HEATR1: variants seen among roughly 807,000 people sequenced by gnomAD.
HEATR1 encodes HEAT repeat containing 1, also known as HEAT repeat-containing protein 1.
HEATR1 carries 77 observed loss-of-function variants against 248.2 expected under a neutral mutation model. The observed-to-expected ratio is 0.31, with a 90% CI of 0.26 to 0.37. The LOEUF (loss-of-function observed/expected upper bound fraction) is 0.37, where lower values mean the gene tolerates loss of function less well. HEATR1 is among the 10% of genes least tolerant of loss of function. The pLI, the probability that HEATR1 is intolerant of heterozygous loss-of-function variation, is 1.00. For missense variants in HEATR1, 2,420 were observed against 2,504.9 expected, an observed-to-expected ratio of 0.97 and a Z score of 0.72; for synonymous variants, 897 against 923.1, an observed-to-expected ratio of 0.97 and a Z score of 0.51.
rs766177708 is a variant in HEATR1, at chr1:236,566,790, T to C, written c.4164A>G (p.Pro1388=). The C allele has an allele frequency of 1.2e-6, 2 of 1,614,146 alleles. No individual in the cohort carries two copies. Among genetic ancestry groups the C allele is most frequent in the African/African-American group, 1.3e-5 (1 of 75,054 alleles). ...KIISVFVDAL[P]HVPEHRRLPI... is the part of the protein sequence containing the mutation. ...GCAGGCGCCTGTGCTCCGGGACGTGTGGCAGCGCATCCACAAATACACTAA... is the reference window on the plus strand; with the variant it reads ...GCAGGCGCCTGTGCTCCGGGACGTGCGGCAGCGCATCCACAAATACACTAA... The change falls in exon 30 of 45, where the codon CCA becomes CCG. Residue 1388 remains proline, a synonymous_variant. Coordinates refer to ENST00000366582, the MANE Select transcript of HEATR1 (RefSeq NM_018072.6).
Position 236,604,126 on chromosome 1 carries a change from G to T in HEATR1, c.-31C>A, listed in dbSNP as rs368911119. 2.8e-5 allele frequency: 43 copies of T among 1,537,824 alleles called. No homozygotes were observed. Among genetic ancestry groups the T allele is most frequent in the Non-Finnish European group, 3.6e-5 (41 of 1,150,652 alleles). On this transcript the variant is annotated splice_region_variant and 5_prime_UTR_variant, in exon 2 of 45. Transcript: ENST00000366582. ...ACGCCAGCGGAGTTTTAATGACACG[G>T]GCTAAAAAAACGTAAGCACTTTGAT...
chr1:236,586,054 T>C, intron 15 of HEATR1, 113 bp from the exon 16 acceptor site: 4 of 1,381,346 alleles, frequency 2.9e-6, no homozygotes, highest in Non-Finnish European at 4.0e-6. Flanking sequence ...CTTTCTATTT[T>C]TCCTTGTATC....
At chr1:236,557,865 G>A (rs766180284) in intron 36 of HEATR1, among the ~76,000 whole-genome samples, 12 of 152,216 alleles carry the variant, frequency 7.9e-5, no homozygotes, top group Non-Finnish European at 1.6e-4. Flanking sequence ...AATGGAGGAC[G>A]ATTAACACTG....
At chr1:236,599,677 C>G (rs1274107072) in intron 3 of HEATR1, 53 bp from the exon 4 acceptor site, 2 of 1,507,404 alleles carry the variant, frequency 1.3e-6, no homozygotes, top group Non-Finnish European at 1.8e-6. Context: ...ATAATAAGCA[C>G]CTATTTCCTC....
At chr1:236,600,859 C>T (rs1243165701) in intron 3 of HEATR1, among the ~76,000 whole-genome samples, 3 of 152,038 alleles carry the variant, frequency 2.0e-5, no homozygotes, top group East Asian at 3.9e-4. Context: ...ACGGTTTTAG[C>T]GGTTACTTTT....
Position 236,596,921 on chromosome 1 carries a change from T to C in HEATR1, c.659A>G (p.Tyr220Cys). The C allele has an allele frequency of 6.2e-7, 1 of 1,614,026 alleles. No individual in the cohort carries two copies. The highest frequency in any genetic ancestry group is 8.5e-7 in the Non-Finnish European group (1 of 1,179,986). The change falls in exon 6 of 45, where the codon TAT becomes TGT. Residue 220 changes from tyrosine to cysteine, a missense_variant. By Grantham distance (194) the Tyr-to-Cys change is radical. Transcript: ENST00000366582. ...SAQLRVLLAF[Y>C]ASTIVSALVA... is the part of the protein sequence containing the mutation. ...CAGCGCCGACACTATGGTAGAAGCA[T>C]AGAAAGCCAAGAGCACCCTCAACTG...
rs1662953656 is a variant in HEATR1, at chr1:236,555,795, C to T, written c.5649+10G>A. The T allele has an allele frequency of 1.2e-6, 2 of 1,614,138 alleles. No individual in the cohort carries two copies. Among genetic ancestry groups the T allele is most frequent in the East Asian group, 2.2e-5 (1 of 44,884 alleles). The stretch of plus-strand genomic sequence containing the variant: ...AGCTTTAGGATTTGGAGGAGTGAAC[C>T]TGAGCTTACCTCAGAGTGCTGGGCT... On this transcript the variant is annotated intron_variant, in intron 39 of 44. Transcript: ENST00000366582.
chr1:236,576,198 A>G, intron 22 of HEATR1, 21 bp downstream of exon 22: 1 of 1,561,806 alleles, frequency 6.4e-7, no homozygotes, highest in East Asian at 2.3e-5. Context: ...GGAATGTACA[A>G]TCCACTTAAA....
At chr1:236,556,408 T>A in intron 37 of HEATR1, 150 bp from the exon 38 acceptor site, 1 of 820,384 alleles carries the variant, frequency 1.2e-6, no homozygotes, top group Non-Finnish European at 1.9e-6. Context: ...AAGTCAGCCC[T>A]AAACGTCAGT....
Position 236,586,424 on chromosome 1 carries a change from T to C in HEATR1, c.1744A>G (p.Ile582Val), listed in dbSNP as rs1388367604. Residue 582 changes from isoleucine (I) to valine (V), a missense_variant, in exon 15 of 45, where the codon ATA (isoleucine) becomes GTA (valine). By Grantham distance (29) the Ile-to-Val change is conservative. Transcript: ENST00000366582. ...CTCAGTATCTCTTCTTTAATTAATA[T>C]GTCAGCGGCTATCTTAAGTACCTCG... ...WYEVLKIAAD[I>V]LIKEEILSEN... 1.2e-6 allele frequency: 2 copies of C among 1,612,664 alleles called. No individual in the cohort carries two copies. The highest frequency in any genetic ancestry group is 1.7e-6 in the Non-Finnish European group (2 of 1,178,968).
At chr1:236,575,055 T>C in intron 22 of HEATR1, 152 bp from the exon 23 acceptor site, 1 of 685,092 alleles carries the variant, frequency 1.5e-6, no homozygotes, top group Non-Finnish European at 2.4e-6. Context: ...GAGACAGCTA[T>C]TAATTCACAC....
chr1:236,576,059 T>C (rs1283255019), intron 22 of HEATR1, among the ~76,000 whole-genome samples, 160 bp downstream of exon 22: 1 of 152,200 alleles, frequency 6.6e-6, no homozygotes, highest in African/African-American at 2.4e-5. Flanking sequence ...TGTATCTGTT[T>C]TTCTCTACCT....
In HEATR1 at chr1:236,565,926, T is replaced by C; in HGVS notation, c.4428A>G (p.Glu1476=). The C allele has an allele frequency of 1.2e-6, 2 of 1,613,340 alleles. No homozygotes were observed. Among genetic ancestry groups the C allele is most frequent in the Non-Finnish European group, 8.5e-7 (1 of 1,179,706 alleles). ...CACCCGATCTACGCTTACCTTCTTT[T>C]TCCTCTGGCAGCTTTAGTAAGTACT... ...ILQYLLKLPE[E]KEETIPKAVS... The change falls in exon 31 of 45, where the codon GAA becomes GAG. Residue 1476 remains glutamate, a synonymous_variant. Transcript: ENST00000366582.
At position 236,595,600 on chromosome 1, in the gene HEATR1, T is replaced by G; in HGVS notation, c.1030A>C (p.Ser344Arg). 2 of 1,608,434 alleles carry G rather than the reference T, an allele frequency of 1.2e-6. No individual in the cohort carries two copies. Among genetic ancestry groups the G allele is most frequent in the Non-Finnish European group, 1.7e-6 (2 of 1,174,764 alleles). Residue 344 changes from serine to arginine, a missense_variant, in exon 8 of 45, where the codon AGT becomes CGT. Ser to Arg is a moderately radical substitution (Grantham distance 110). Coordinates refer to ENST00000366582, the MANE Select transcript of HEATR1 (RefSeq NM_018072.6). ...LHGISETYDV[S>R]PLLHYMLPHL... ...GGAAGCATGTAATGCAGAAGAGGAC[T>G]GACATCGTAAGTTTCAGAAATCCCA...
At chr1:236,591,114 A>T (rs538215078) in intron 11 of HEATR1, among the ~76,000 whole-genome samples, 160 bp from the exon 12 acceptor site, 1 of 112,058 alleles carries the variant, frequency 8.9e-6, no homozygotes, top group South Asian at 2.9e-4. Flanking sequence ...CTTTGTTTCT[A>T]GAACATCACA....
Position 236,585,188 on chromosome 1 carries a change from T to C in HEATR1, c.2078A>G (p.Glu693Gly), listed in dbSNP as rs1459555716. The change falls in exon 17 of 45, where the codon GAG (glutamate) becomes GGG (glycine). Residue 693 changes from glutamate (E) to glycine (G), a missense_variant. Physicochemically the swap from Glu to Gly is moderately conservative, Grantham distance 98. Coordinates refer to ENST00000366582, the MANE Select transcript of HEATR1 (RefSeq NM_018072.6). ...TTTCTGCTTCAGGTTAAAGGACTCC[T>C]CCTCACCCACGCTTATTAAATCCTC... ...MVEDLISVGE[E>G]ESFNLKQKVT... The C allele has an allele frequency of 6.2e-7, 1 of 1,613,340 alleles. No homozygotes were observed. Among genetic ancestry groups the C allele is most frequent in the Non-Finnish European group, 8.5e-7 (1 of 1,179,692 alleles).
rs1461803601 is a variant in HEATR1, at chr1:236,592,895, G to T, written c.1194-262C>A. ...GTTCGAGACCTGTCTGAACAACATAGTAAGACTACATTGCTATTTTAAATG... is the reference window on the plus strand; with the variant it reads ...GTTCGAGACCTGTCTGAACAACATATTAAGACTACATTGCTATTTTAAATG... On this transcript the variant is annotated intron_variant, in intron 9 of 44. Coordinates refer to ENST00000366582, the MANE Select transcript of HEATR1 (RefSeq NM_018072.6). Among the ~76,000 whole-genome samples the T allele has an allele frequency of 2.6e-5, 4 of 152,168 alleles. No individual in the cohort carries two copies. In the East Asian group the frequency reaches 7.7e-4, roughly 29 times the overall value.
chr1:236,579,719 A>G (rs1663657343), intron 20 of HEATR1, among the ~76,000 whole-genome samples: 1 of 152,184 alleles, frequency 6.6e-6, no homozygotes, highest in African/African-American at 2.4e-5. Flanking sequence ...TTGTAAGCGA[A>G]TAAAAAATTA....
chr1:236,586,009 C>CA, intron 15 of HEATR1, 68 bp from the exon 16 acceptor site: 1 of 1,559,660 alleles, frequency 6.4e-7, no homozygotes, highest in Non-Finnish European at 8.8e-7. Context: ...ATGAAGAATT[C>CA]AGGCAAACAT....
Sources: gnomAD v4.1 joint callset for allele counts (sites outside exome capture counted in the v4.1 genomes callset) on GRCh38, gnomAD v4.1.1 for gene constraint, MANE v1.5 for transcripts, NCBI Gene and HGNC (gene_info 2026-07-23, HGNC 2026-07-21) for gene names.